Variants in RXFP2 observed in about 807,000 individuals in gnomAD.
The protein encoded by RXFP2 is relaxin receptor 2.
A neutral mutation model predicts 88.6 loss-of-function variants in RXFP2; 68 were observed. The observed-to-expected ratio is 0.77, with a 90% CI of 0.63 to 0.94. The LOEUF (loss-of-function observed/expected upper bound fraction) is 0.94. RXFP2 is among the 40% of genes least tolerant of loss of function. The pLI, the probability that RXFP2 is intolerant of heterozygous loss-of-function variation, is 0.00. For synonymous variants in RXFP2, 329 were observed against 306.8 expected (o/e 1.07, Z -0.76); for missense variants, 791 against 893.9 (o/e 0.88, Z 1.47).
At chr13:31,759,513 CTGACTGAAACAGGATGATGTGTT>C (rs1413950785) in intron 2 of RXFP2, among the ~76,000 whole-genome samples, 4 of 151,774 alleles carry the variant, frequency 2.6e-5, no homozygotes, top group Non-Finnish European at 4.4e-5. Context: ...AGGCCCAAGG[CTGACTGAAACAGGATGATGTGTT>C]TGATGGTGTG....
Position 31,754,257 on chromosome 13 carries a change from G to T in RXFP2, c.95-4001G>T, listed in dbSNP as rs115648421. Among the ~76,000 whole-genome samples, 503 of 152,324 alleles carry T rather than the reference G, an allele frequency of 3.3e-3. 5 individuals carry two copies. Among genetic ancestry groups the T allele is most frequent in the African/African-American group, 0.011 (457 of 41,570 alleles). On this transcript the variant is annotated intron_variant, in intron 1 of 17. Coordinates refer to ENST00000298386, the MANE Select transcript of RXFP2 (RefSeq NM_130806.5). ...TCAAAGAACTCACAGTCAGCTGGGC[G>T]CAGTGGCTCACACCTGCAATCTCAG... is the stretch of plus-strand genomic sequence containing the variant.
rs550795742 is a variant in RXFP2 at position 31,765,331 on chromosome 13, G to C, written c.425+189G>C. 2.0e-5 allele frequency among the ~76,000 whole-genome samples: 3 copies of C among 152,254 alleles called. No individual in the cohort carries two copies. In the South Asian group the frequency reaches 6.2e-4, roughly 32 times the overall value. On this transcript the variant is annotated intron_variant, in intron 4 of 17. Transcript: ENST00000298386. ...GGTTTACACACTGTATGTTAGATTA[G>C]CCTGTCATCAGTTAGCTCACAAATG...
intron 5 of RXFP2, among the ~76,000 whole-genome samples, chr13:31,771,949 C>CAA (rs139695790): frequency 8.1e-5 from 12 of 148,598 alleles, no homozygotes; most frequent in Middle Eastern, 3.4e-3. Context: ...TTTAGGCATC[C>CAA]AAAAAAAAAC....
intron 5 of RXFP2, among the ~76,000 whole-genome samples, chr13:31,774,399 A>G (rs953646328): frequency 1.3e-5 from 2 of 152,192 alleles, no homozygotes; most frequent in Non-Finnish European, 2.9e-5. Context: ...AGTTCAGCGT[A>G]TGAATCAGAG....
chr13:31,740,246 T>C (rs1871177227), intron 1 of RXFP2, among the ~76,000 whole-genome samples: 1 of 152,130 alleles, frequency 6.6e-6, no homozygotes, highest in Non-Finnish European at 1.5e-5. Flanking sequence ...AATTTTCTTT[T>C]GTTTTTAATT....
At chr13:31,779,265 A>G (rs554459512) in intron 9 of RXFP2, among the ~76,000 whole-genome samples, 64 of 151,756 alleles carry the variant, frequency 4.2e-4, no homozygotes, top group African/African-American at 1.5e-3. Flanking sequence ...ATCTGGGATT[A>G]CAGGCATGCA....
intron 3 of RXFP2, among the ~76,000 whole-genome samples, chr13:31,763,374 G>A (rs954335759): frequency 3.9e-5 from 6 of 152,052 alleles, no homozygotes; most frequent in Admixed American, 2.0e-4. Context: ...TGTGAGCCAC[G>A]CATGCCCAGC....
intron 7 of RXFP2, among the ~76,000 whole-genome samples, chr13:31,776,174 TTCTC>T (rs1327709188): frequency 2.0e-5 from 3 of 148,830 alleles, no homozygotes; most frequent in African/African-American, 7.4e-5. Context: ...CTTCCTTCCT[TTCTC>T]TTTCTCTCTT....
chr13:31,744,949 G>A (rs1231594880), intron 1 of RXFP2, among the ~76,000 whole-genome samples: 2 of 151,986 alleles, frequency 1.3e-5, no homozygotes, highest in Non-Finnish European at 2.9e-5. Flanking sequence ...TGGGCAGATC[G>A]CCTGAGGTCA....
chr13:31,781,909 C>T (rs1194550938), intron 10 of RXFP2, among the ~76,000 whole-genome samples, 167 bp downstream of exon 10: 1 of 152,128 alleles, frequency 6.6e-6, no homozygotes, highest in Non-Finnish European at 1.5e-5. Flanking sequence ...GATGTTGGGA[C>T]TGAGCCTCAA....
rs1270511716 is a variant in RXFP2, at chr13:31,758,307, A to T, written c.144A>T (p.Gly48=). 1 of 1,614,016 alleles carries T rather than the reference A, an allele frequency of 6.2e-7. No homozygotes were observed. Among genetic ancestry groups the T allele is most frequent in the African/African-American group, 1.3e-5 (1 of 74,922 alleles). ...GSMITPSCQK[G]YFPCGNLTKC... is the part of the protein sequence containing the mutation. ...TGATCACTCCTTCATGCCAAAAAGG[A>T]TATTTTCCCTGTGGGAATCTTACCA... Residue 48 remains glycine, a synonymous_variant, in exon 2 of 18, where the codon GGA becomes GGT. Coordinates refer to ENST00000298386, the MANE Select transcript of RXFP2 (RefSeq NM_130806.5).
At position 31,761,735 on chromosome 13, in the gene RXFP2, GGAT is replaced by G. The variant is rs778112518; in HGVS notation, c.255_257del (p.Trp86del). Reference sequence around the variant, plus strand: ...TCACTATTTCACAGGTGACACTAGTGGATGGGCGACCATATTTGGCACAGTGCA... The same window carrying G: ...TCACTATTTCACAGGTGACACTAGTGGGGCGACCATATTTGGCACAGTGCA... On this transcript the variant is annotated inframe_deletion, in exon 3 of 18. Transcript: ENST00000298386. 1 of 1,611,394 alleles carries G rather than the reference GGAT, an allele frequency of 6.2e-7. No homozygotes were observed. Among genetic ancestry groups the G allele is most frequent in the Admixed American group, 1.7e-5 (1 of 60,014 alleles).
At chr13:31,788,198 C>T (rs1873638892) in intron 13 of RXFP2, among the ~76,000 whole-genome samples, 1 of 151,478 alleles carries the variant, frequency 6.6e-6, no homozygotes, top group African/African-American at 2.4e-5. Context: ...GCTAGAGGGG[C>T]CATGCAATTA....
intron 5 of RXFP2, among the ~76,000 whole-genome samples, chr13:31,773,598 C>T (rs1233096414): frequency 6.6e-6 from 1 of 152,126 alleles, no homozygotes; most frequent in Middle Eastern, 3.2e-3. Context: ...CCCCTCCAAT[C>T]TTGGCTTTAC....
At chr13:31,766,145 A>C in intron 5 of RXFP2, 118 bp downstream of exon 5, 4 of 657,438 alleles carry the variant, frequency 6.1e-6, no homozygotes, top group Non-Finnish European at 1.1e-5. Flanking sequence ...ATGTTTCTAA[A>C]TGTAATTAAG....
intron 17 of RXFP2, 138 bp from the exon 18 acceptor site, chr13:31,802,008 G>T (rs1175412692): frequency 2.4e-6 from 2 of 818,132 alleles, no homozygotes; most frequent in African/African-American, 3.5e-5. Flanking sequence ...TTCCAACAAA[G>T]ATTTTCCTTC....
At chr13:31,755,904 G>A (rs916871895) in intron 1 of RXFP2, among the ~76,000 whole-genome samples, 6 of 152,176 alleles carry the variant, frequency 3.9e-5, no homozygotes, top group Admixed American at 3.9e-4. Context: ...CACGCTCTGA[G>A]TCTTCCTCCT....
intron 5 of RXFP2, among the ~76,000 whole-genome samples, chr13:31,769,059 T>C (rs1033920147): frequency 1.3e-5 from 2 of 152,192 alleles, no homozygotes; most frequent in African/African-American, 2.4e-5. Context: ...GAATATTTAT[T>C]GATACCTACA....
At chr13:31,743,616 C>T (rs989207468) in intron 1 of RXFP2, among the ~76,000 whole-genome samples, 1 of 151,984 alleles carries the variant, frequency 6.6e-6, no homozygotes, top group African/African-American at 2.4e-5. Flanking sequence ...GACTCGGGCC[C>T]CCTTGCTCCT....
Sources: gnomAD v4.1 joint callset for allele counts (sites outside exome capture counted in the v4.1 genomes callset) on GRCh38, gnomAD v4.1.1 for gene constraint, MANE v1.5 for transcripts, NCBI Gene and HGNC (gene_info 2026-07-23, HGNC 2026-07-21) for gene names.